SDHAF2: variants seen among roughly 807,000 people sequenced by gnomAD.
The protein encoded by SDHAF2 is succinate dehydrogenase complex assembly factor 2.
Under a neutral mutation model 18.5 loss-of-function variants are expected in SDHAF2, and 21 were observed. That is an observed-to-expected ratio of 1.13 (90% CI 0.80 to 1.63). SDHAF2 has a LOEUF of 1.63. Among genes scored for constraint, SDHAF2 ranks in the 40% most tolerant of loss-of-function variants. SDHAF2 has a pLI of 0.00. For synonymous variants in SDHAF2, 84 were observed against 70.7 expected, an observed-to-expected ratio of 1.19 and a Z score of -0.94; for missense variants, 195 against 200.3, an observed-to-expected ratio of 0.97 and a Z score of 0.16.
intron 3 of SDHAF2, 128 bp from the exon 4 acceptor site, chr11:61,445,813 A>C (rs1054721219): frequency 8.9e-7 from 1 of 1,121,658 alleles, no homozygotes; most frequent in East Asian, 2.4e-5. Flanking sequence ...GTGTATATTT[A>C]GAAGAAGGAT....
intron 3 of SDHAF2, among the ~76,000 whole-genome samples, chr11:61,442,417 A>G (rs1011061475): frequency 1.3e-5 from 2 of 152,034 alleles, no homozygotes; most frequent in African/African-American, 4.8e-5. Context: ...TCTCATTTCC[A>G]TAGTTTGTGA....
rs1013526210 is a variant in SDHAF2, at chr11:61,446,333, A to C, written c.*262A>C. On this transcript the variant is annotated 3_prime_UTR_variant, in exon 4 of 4. Coordinates refer to ENST00000301761, the MANE Select transcript of SDHAF2 (RefSeq NM_017841.4). ...GGCATGCAGGCTTTGCCTGGCTGCT[A>C]TCTCTAGAGGCAAGTCTGCCACGAG... 8.2e-6 allele frequency: 5 copies of C among 606,088 alleles called. No homozygotes were observed. The South Asian group carries it at 9.8e-5, about 12-fold the overall frequency. The allele number at this position is 606,088 out of a possible 1,614,324, so 37.5% of individuals were successfully genotyped here.
intron 1 of SDHAF2, chr11:61,430,552 T>A: frequency 2.9e-6 from 1 of 350,758 alleles, no homozygotes; most frequent in East Asian, 5.2e-5. Context: ...TGTTTATAAT[T>A]GACATATAAT....
At chr11:61,438,289 T>C (rs1421004155) in intron 3 of SDHAF2, 176 bp downstream of exon 3, 1 of 652,804 alleles carries the variant, frequency 1.5e-6, no homozygotes, top group Non-Finnish European at 2.7e-6. Context: ...AACCTCTACC[T>C]TCCAGGTTCA....
At chr11:61,435,383 G>A (rs1391659835) in intron 1 of SDHAF2, 1 of 152,094 alleles carries the variant, frequency 6.6e-6, no homozygotes, top group Non-Finnish European at 1.5e-5. Flanking sequence ...ATATACTTCT[G>A]TTTCTTTAAG....
Position 61,430,184 on chromosome 11 carries a change from T to G in SDHAF2, c.36+2T>G, listed in dbSNP as rs765265524. The G allele has an allele frequency of 6.2e-7, 1 of 1,614,160 alleles. No individual in the cohort carries two copies. The highest frequency in any genetic ancestry group is 8.5e-7 in the Non-Finnish European group (1 of 1,180,024). The stretch of plus-strand genomic sequence containing the variant: ...ACAGTGTTCTCGACTTCGTCGCTGG[T>G]GAGGAGAGAGAACGTTCTAGCGTCC... On this transcript the variant is annotated splice_donor_variant, in intron 1 of 3. Coordinates refer to ENST00000301761, the MANE Select transcript of SDHAF2 (RefSeq NM_017841.4). LOFTEE classifies it high-confidence loss of function.
intron 1 of SDHAF2, chr11:61,434,855 C>G (rs1055870473): frequency 4.6e-5 from 7 of 151,060 alleles, no homozygotes; most frequent in Non-Finnish European, 8.9e-5. Flanking sequence ...TCAGGCCTCC[C>G]AGGTAGCTGG....
At chr11:61,440,972 C>T (rs1490039695) in intron 3 of SDHAF2, among the ~76,000 whole-genome samples, 1 of 151,972 alleles carries the variant, frequency 6.6e-6, no homozygotes, top group Admixed American at 6.6e-5. Context: ...AAGGCTGAGG[C>T]AAAGGATCTC....
intron 1 of SDHAF2, chr11:61,436,799 A>C: frequency 9.9e-7 from 1 of 1,008,580 alleles, no homozygotes. Flanking sequence ...CAGTGTCTCC[A>C]TCGGGGAAGG....
intron 2 of SDHAF2, 73 bp downstream of exon 2, chr11:61,437,921 G>A: frequency 6.5e-7 from 1 of 1,532,074 alleles, no homozygotes; most frequent in Non-Finnish European, 9.0e-7. Flanking sequence ...GAGACTCCCA[G>A]GAGTAGGAGT....
intron 3 of SDHAF2, among the ~76,000 whole-genome samples, chr11:61,440,038 T>G (rs1360621550): frequency 1.3e-5 from 2 of 152,194 alleles, no homozygotes; most frequent in Admixed American, 1.3e-4. Context: ...AGCTCATGCC[T>G]GTAATTTCAG....
rs149472684 is a variant in SDHAF2 at position 61,437,585 on chromosome 11, C to T, written c.37-40C>T. ...TTGAGTAAATGATAGCGATGATAGT[C>T]GTCATTATTGTAAAGATGTTTGTGG... is the stretch of plus-strand genomic sequence containing the variant. On this transcript the variant is annotated intron_variant, in intron 1 of 3. Transcript: ENST00000301761. 339 of 1,498,890 alleles carry T rather than the reference C, an allele frequency of 2.3e-4. 1 individual carries two copies. The East Asian group carries it at 6.4e-3, about 28-fold the overall frequency. 92.8% of individuals were successfully genotyped at this position (1,498,890 alleles called of 1,614,324 possible).
intron 3 of SDHAF2, among the ~76,000 whole-genome samples, chr11:61,439,333 GT>G (rs1862036645): frequency 1.3e-5 from 2 of 152,164 alleles, no homozygotes; most frequent in Non-Finnish European, 2.9e-5. Context: ...CCCGGAAAAA[GT>G]GTGTGGAAGT....
chr11:61,446,116 AACT>A lies in SDHAF2; in HGVS notation c.*49_*51del. ...CATGGGGGTTCAGTCTGTGGATGGT[AACT>A]ACTTATGATGGACGTTAGCCTTGCT... On this transcript the variant is annotated 3_prime_UTR_variant, in exon 4 of 4. Coordinates refer to ENST00000301761, the MANE Select transcript of SDHAF2 (RefSeq NM_017841.4). The A allele has an allele frequency of 6.2e-7, 1 of 1,612,390 alleles. No individual in the cohort carries two copies. The highest frequency in any genetic ancestry group is 8.5e-7 in the Non-Finnish European group (1 of 1,178,808).
chr11:61,436,679 T>A (rs1181837044), intron 1 of SDHAF2: 1 of 376,162 alleles, frequency 2.7e-6, no homozygotes, highest in Non-Finnish European at 5.2e-6. Context: ...GTGCTACAAA[T>A]TTTTCTGCTG....
Position 61,446,155 on chromosome 11 carries a change from T to G in SDHAF2, c.*84T>G. ...GACGTTAGCCTTGCTTCCGGCTTCT[T>G]AGATGCCCAGCTGCCCTACCCCAGA... is the stretch of plus-strand genomic sequence containing the variant. On this transcript the variant is annotated 3_prime_UTR_variant, in exon 4 of 4. Coordinates refer to ENST00000301761, the MANE Select transcript of SDHAF2 (RefSeq NM_017841.4). The G allele has an allele frequency of 6.5e-7, 1 of 1,535,380 alleles. No individual in the cohort carries two copies. Among genetic ancestry groups the G allele is most frequent in the Non-Finnish European group, 9.0e-7 (1 of 1,113,650 alleles).
intron 3 of SDHAF2, chr11:61,444,043 G>A (rs1862105568): frequency 6.6e-6 from 1 of 152,560 alleles, no homozygotes; most frequent in Non-Finnish European, 1.5e-5. Flanking sequence ...AAAGTGCTGG[G>A]ATTACAGGCG....
chr11:61,432,116 G>A (rs1457263695), intron 1 of SDHAF2: 1 of 152,150 alleles, frequency 6.6e-6, no homozygotes, highest in African/African-American at 2.4e-5. Flanking sequence ...AAATTAGTCA[G>A]GTGTGGTAGT....
At chr11:61,437,472 G>T (rs1862006781) in intron 1 of SDHAF2, among the ~76,000 whole-genome samples, 153 bp from the exon 2 acceptor site, 1 of 152,204 alleles carries the variant, frequency 6.6e-6, no homozygotes, top group South Asian at 2.1e-4. Flanking sequence ...AAAGTGCTGG[G>T]ATTACAGGTG....
Sources: allele counts gnomAD v4.1 joint callset (sites outside exome capture counted in the v4.1 genomes callset), GRCh38; gene constraint gnomAD v4.1.1; transcripts MANE v1.5; gene names NCBI Gene and HGNC (gene_info 2026-07-23, HGNC 2026-07-21).